EPDR1: variants seen among roughly 807,000 people sequenced by gnomAD.
EPDR1 encodes the protein ependymin related 1, also known as mammalian ependymin-related protein 1.
In EPDR1, 27 loss-of-function variants were observed where a neutral mutation model predicts 23.7. The observed-to-expected ratio is 1.14, with a 90% CI of 0.84 to 1.57. The LOEUF (loss-of-function observed/expected upper bound fraction) is 1.57, where lower values mean the gene tolerates loss of function less well. Among genes scored for constraint, EPDR1 ranks in the 40% most tolerant of loss-of-function variants. The probability of loss-of-function intolerance (pLI) is 0.00; values close to 1 mark genes in which losing one functional copy is unlikely to be tolerated. For missense variants in EPDR1, 349 were observed against 290.4 expected (o/e 1.20, Z -1.47); for synonymous variants, 137 against 118.2 (o/e 1.16, Z -1.03).
intron 1 of EPDR1, among the ~76,000 whole-genome samples, chr7:37,933,543 G>A (rs1219864042): frequency 6.6e-6 from 1 of 152,194 alleles, no homozygotes; most frequent in Admixed American, 6.5e-5. Flanking sequence ...TGTTCAACCA[G>A]CTGAATTTGC....
chr7:37,933,383 G>C (rs1785981910), intron 1 of EPDR1, among the ~76,000 whole-genome samples: 1 of 152,178 alleles, frequency 6.6e-6, no homozygotes, highest in Non-Finnish European at 1.5e-5. Context: ...ACATGGATGG[G>C]AAGAATCACT....
chr7:37,948,504 T>C (rs766124546), intron 1 of EPDR1, among the ~76,000 whole-genome samples: 2 of 152,052 alleles, frequency 1.3e-5, no homozygotes, highest in Non-Finnish European at 2.9e-5. Flanking sequence ...CTGCCATGTC[T>C]GGCTAATTTT....
At chr7:37,949,616 T>C (rs146956209) in intron 2 of EPDR1, among the ~76,000 whole-genome samples, 7 of 152,192 alleles carry the variant, frequency 4.6e-5, no homozygotes, top group East Asian at 1.9e-4. Context: ...TGTATATATA[T>C]ATATGCCCCA....
At chr7:37,923,456 G>T (rs915549316) in intron 1 of EPDR1, among the ~76,000 whole-genome samples, 1 of 152,328 alleles carries the variant, frequency 6.6e-6, no homozygotes, top group African/African-American at 2.4e-5. Flanking sequence ...GCATAGGGTA[G>T]ATGGTGATGC....
chr7:37,932,543 A>G (rs1248763217), intron 1 of EPDR1, among the ~76,000 whole-genome samples: 1 of 152,216 alleles, frequency 6.6e-6, no homozygotes, highest in Non-Finnish European at 1.5e-5. Flanking sequence ...AAAAAATAAG[A>G]TTTATATTTC....
intron 1 of EPDR1, among the ~76,000 whole-genome samples, chr7:37,934,235 CA>C (rs1487132182): frequency 6.6e-6 from 1 of 152,188 alleles, no homozygotes; most frequent in Non-Finnish European, 1.5e-5. Context: ...CTTGGCCTCC[CA>C]AAGTGCTGGG....
At chr7:37,943,368 G>A (rs929532556) in intron 1 of EPDR1, among the ~76,000 whole-genome samples, 2 of 152,244 alleles carry the variant, frequency 1.3e-5, no homozygotes, top group East Asian at 1.9e-4. Flanking sequence ...GGTTATTCCC[G>A]TACAGCATCC....
intron 1 of EPDR1, among the ~76,000 whole-genome samples, chr7:37,946,363 T>C (rs1786274602): frequency 6.6e-6 from 1 of 152,212 alleles, no homozygotes; most frequent in African/African-American, 2.4e-5. Context: ...GTAAAAGTGT[T>C]CCTTTTTCTC....
intron 1 of EPDR1, among the ~76,000 whole-genome samples, chr7:37,944,335 C>A (rs563783702): frequency 2.6e-5 from 4 of 152,324 alleles, no homozygotes; most frequent in African/African-American, 4.8e-5. Context: ...GACTATTAGA[C>A]CTCGGTTGCC....
chr7:37,932,983 T>A, intron 1 of EPDR1, among the ~76,000 whole-genome samples: 1 of 152,248 alleles, frequency 6.6e-6, no homozygotes, highest in Non-Finnish European at 1.5e-5. Context: ...ATGGCAAACA[T>A]AATTATTCTT....
intron 1 of EPDR1, among the ~76,000 whole-genome samples, chr7:37,931,539 A>G (rs191263593): frequency 6.4e-4 from 97 of 152,186 alleles, no homozygotes; most frequent in Admixed American, 1.0e-3. Context: ...AAAAAATAAA[A>G]AAAAGAGAAG....
At position 37,948,860 on chromosome 7, in the gene EPDR1, T is replaced by C; in HGVS notation, c.290T>C (p.Leu97Pro). ...PCKRLFEYIL[L>P]YKDGVMFQID... Reference sequence around the variant, plus strand: ...TTCAGATTATTTGAATATATTTTGCTGTATAAGGATGGAGTGATGTTTCAG... The same window carrying C: ...TTCAGATTATTTGAATATATTTTGCCGTATAAGGATGGAGTGATGTTTCAG... Residue 97 changes from leucine (L) to proline (P), a missense_variant, in exon 2 of 3, where the codon CTG (leucine) becomes CCG (proline). Physicochemically the swap from Leu to Pro is moderately conservative, Grantham distance 98. Transcript: ENST00000199448. 1 of 1,614,148 alleles carries C rather than the reference T, an allele frequency of 6.2e-7. No individual in the cohort carries two copies. Among genetic ancestry groups the C allele is most frequent in the Non-Finnish European group, 8.5e-7 (1 of 1,179,982 alleles).
intron 1 of EPDR1, among the ~76,000 whole-genome samples, chr7:37,938,552 G>A (rs867971910): frequency 5.9e-5 from 9 of 152,144 alleles, no homozygotes; most frequent in Admixed American, 2.0e-4. Flanking sequence ...TTCAGAAGGC[G>A]AACATGCAAA....
At chr7:37,925,577 G>T (rs1197598424) in intron 1 of EPDR1, among the ~76,000 whole-genome samples, 1 of 152,148 alleles carries the variant, frequency 6.6e-6, no homozygotes, top group African/African-American at 2.4e-5. Context: ...TTTAAACAGA[G>T]AATCAGCCTC....
chr7:37,939,056 G>A (rs1051808241), intron 1 of EPDR1, among the ~76,000 whole-genome samples: 1 of 150,796 alleles, frequency 6.6e-6, no homozygotes. Context: ...TTAGCTCACT[G>A]CAAGCTCTGC....
rs147532072 is a variant in EPDR1 at position 37,928,746 on chromosome 7, A to G, written c.269+7538A>G. On this transcript the variant is annotated intron_variant, in intron 1 of 2. Coordinates refer to ENST00000199448, the MANE Select transcript of EPDR1 (RefSeq NM_017549.5). ...TCTTTCTGCTCTTCTCTGGACTGCT[A>G]ATAGTGGACTCTCCCAGGGCTCAGG... Among the ~76,000 whole-genome samples the G allele has an allele frequency of 4.6e-5, 7 of 152,264 alleles. No homozygotes were observed. The East Asian group carries it at 1.2e-3, about 25-fold the overall frequency.
At chr7:37,923,019 C>T (rs373701564) in intron 1 of EPDR1, among the ~76,000 whole-genome samples, 8 of 152,092 alleles carry the variant, frequency 5.3e-5, no homozygotes, top group African/African-American at 1.2e-4. Flanking sequence ...TGTGCCATCC[C>T]GGAGTTTTTA....
chr7:37,920,978 C>T lies in EPDR1; in HGVS notation c.39C>T (p.Ala13=), dbSNP rs1317443421. The change falls in exon 1 of 3, where the codon GCC becomes GCT. Residue 13 remains alanine, a synonymous_variant. Coordinates refer to ENST00000199448, the MANE Select transcript of EPDR1 (RefSeq NM_017549.5). The stretch of plus-strand genomic sequence containing the variant: ...CTCCCCTCCGCACCGTCCCGGGCGC[C>T]CTGGGTGCCTGGCTGCTGGGCGGCC... ...GRAPLRTVPG[A]LGAWLLGGLW... 6 of 1,554,432 alleles carry T rather than the reference C, an allele frequency of 3.9e-6. No individual in the cohort carries two copies. In the African/African-American group the frequency reaches 5.4e-5, roughly 14 times the overall value.
chr7:37,925,864 G>T (rs1458674060), intron 1 of EPDR1, among the ~76,000 whole-genome samples: 1 of 152,330 alleles, frequency 6.6e-6, no homozygotes, highest in African/African-American at 2.4e-5. Flanking sequence ...CTAATGCAAT[G>T]AACTTGACAC....
Sources: allele counts gnomAD v4.1 joint callset (sites outside exome capture counted in the v4.1 genomes callset), GRCh38; gene constraint gnomAD v4.1.1; transcripts MANE v1.5; gene names NCBI Gene and HGNC (gene_info 2026-07-23, HGNC 2026-07-21).